PALD1: variants seen among roughly 807,000 people sequenced by gnomAD.
The protein encoded by PALD1 is paladin.
In PALD1, 57 loss-of-function variants were observed where a neutral mutation model predicts 96.0. The observed-to-expected ratio is 0.59, with a 90% confidence interval of 0.48 to 0.74. PALD1 has a LOEUF of 0.74. Ranked by LOEUF, PALD1 falls within the 30% of genes least tolerant of loss-of-function variation. PALD1 has a pLI of 0.00. For synonymous variants in PALD1, 464 were observed against 473.6 expected (o/e 0.98, Z 0.26); for missense variants, 1,063 against 1,143.7 (o/e 0.93, Z 1.02).
the PALD1 span, among the ~76,000 whole-genome samples, chr10:70,463,424 G>A: frequency 1.3e-5 from 2 of 151,978 alleles, no homozygotes; most frequent in African/African-American, 4.8e-5. Flanking sequence ...GGTAAAGCAG[G>A]TAGAATTATG....
Position 70,553,040 on chromosome 10 carries a change from T to C in PALD1, c.2262+5594T>C, listed in dbSNP as rs59137902. ...AAGGCTTCATAAGATTCCGGCTCAG[T>C]GTGGCCGGAATGGTTACTGGGGGTG... On this transcript the variant is annotated intron_variant, in intron 18 of 19. Transcript: ENST00000263563. 5.3e-5 allele frequency among the ~76,000 whole-genome samples: 8 copies of C among 152,236 alleles called. No homozygotes were observed. The East Asian group carries it at 1.4e-3, about 26-fold the overall frequency.
At chr10:70,462,058 G>A in the PALD1 span, among the ~76,000 whole-genome samples, 1 of 152,194 alleles carries the variant, frequency 6.6e-6, no homozygotes, top group Non-Finnish European at 1.5e-5. Context: ...TTCCCATAGT[G>A]CTGGGACTGC....
chr10:70,473,651 A>AT, the PALD1 span, among the ~76,000 whole-genome samples: 9,682 of 149,248 alleles, frequency 0.065, 392 homozygotes, highest in South Asian at 0.21. Context: ...TTACAGACTA[A>AT]TTTTTTTTTT....
intron 1 of PALD1, among the ~76,000 whole-genome samples, chr10:70,513,244 CA>C (rs1201016529): frequency 1.3e-5 from 2 of 152,222 alleles, no homozygotes; most frequent in Non-Finnish European, 2.9e-5. Flanking sequence ...CCTGTAATCT[CA>C]CCACTTTGGG....
At chr10:70,502,299 C>T (rs1446201380) in intron 1 of PALD1, among the ~76,000 whole-genome samples, 2 of 152,204 alleles carry the variant, frequency 1.3e-5, no homozygotes. Flanking sequence ...CGCTCCATGT[C>T]CTGTTAAGGA....
intron 1 of PALD1, among the ~76,000 whole-genome samples, chr10:70,519,601 G>C (rs1846689370): frequency 6.9e-6 from 1 of 145,590 alleles, no homozygotes; most frequent in African/African-American, 2.6e-5. Flanking sequence ...GTGAGACGAA[G>C]TCTGGCTCTG....
At chr10:70,525,786 A>G in intron 1 of PALD1, 137 bp from the exon 2 acceptor site, 1 of 672,630 alleles carries the variant, frequency 1.5e-6, no homozygotes, top group Non-Finnish European at 2.6e-6. Flanking sequence ...CCCACGGTGT[A>G]GGAGGCAAGC....
At chr10:70,527,446 C>G (rs1457615336) in intron 2 of PALD1, among the ~76,000 whole-genome samples, 1 of 152,178 alleles carries the variant, frequency 6.6e-6, no homozygotes, top group Non-Finnish European at 1.5e-5. Context: ...CCCAATGTGG[C>G]CTGTTTTCTT....
chr10:70,532,863 A>G, intron 6 of PALD1, 82 bp downstream of exon 6: 1 of 1,552,456 alleles, frequency 6.4e-7, no homozygotes, highest in Non-Finnish European at 8.8e-7. Context: ...CACCATCTGC[A>G]GGTTGGGCGG....
intron 2 of PALD1, among the ~76,000 whole-genome samples, chr10:70,528,251 T>A (rs184209824): frequency 1.9e-4 from 29 of 152,354 alleles, no homozygotes; most frequent in African/African-American, 6.0e-4. Context: ...TGTTGTGTCT[T>A]GAGGGCACAG....
At chr10:70,565,236 C>T (rs1847819754) in intron 19 of PALD1, among the ~76,000 whole-genome samples, 2 of 152,184 alleles carry the variant, frequency 1.3e-5, no homozygotes, top group African/African-American at 4.8e-5. Context: ...CTCCAGAGCC[C>T]ACTGTATCCT....
At chr10:70,517,593 C>T (rs572662847) in intron 1 of PALD1, among the ~76,000 whole-genome samples, 1 of 152,120 alleles carries the variant, frequency 6.6e-6, no homozygotes, top group Non-Finnish European at 1.5e-5. Flanking sequence ...CCGCTCACCT[C>T]GGCTTTCCAA....
At position 70,547,413 on chromosome 10, in the gene PALD1, C is replaced by T. The variant is rs1434910302; in HGVS notation, c.2229C>T (p.His743=). 6.2e-7 allele frequency: 1 copy of T among 1,612,504 alleles called. No homozygotes were observed. Among genetic ancestry groups the T allele is most frequent in the Non-Finnish European group, 8.5e-7 (1 of 1,179,450 alleles). ...AGACCATGACGCCCATGCACTACCA[C>T]CTGCGGGAGATCATCATCTGCACCT... ...VSETMTPMHY[H]LREIIICTYR... is the part of the protein sequence containing the mutation. Residue 743 remains histidine, a synonymous_variant, in exon 18 of 20, where the codon CAC becomes CAT. Transcript: ENST00000263563.
chr10:70,529,763 G>A (rs749276470), intron 3 of PALD1, 126 bp from the exon 4 acceptor site: 21 of 723,544 alleles, frequency 2.9e-5, no homozygotes, highest in Middle Eastern at 3.4e-4. Flanking sequence ...CAACTTGAGG[G>A]CAGGATCATG....
chr10:70,549,862 T>A (rs1847445170), intron 18 of PALD1, among the ~76,000 whole-genome samples: 1 of 152,148 alleles, frequency 6.6e-6, no homozygotes, highest in Non-Finnish European at 1.5e-5. Context: ...TGTGAAGTGT[T>A]TTTTAATGAG....
At chr10:70,467,216 C>G in the PALD1 span, among the ~76,000 whole-genome samples, 219 of 152,066 alleles carry the variant, frequency 1.4e-3, 1 homozygote, top group African/African-American at 4.9e-3. Flanking sequence ...GGGAAAGAGG[C>G]CCCCTGGGGA....
At chr10:70,534,565 A>AGGGGAC (rs745471823) in intron 9 of PALD1, 41 bp downstream of exon 9, 3 of 1,443,190 alleles carry the variant, frequency 2.1e-6, no homozygotes, top group Non-Finnish European at 1.9e-6. Flanking sequence ...GGGGTGGTGG[A>AGGGGAC]GGGGACGGTC....
chr10:70,531,358 C>G lies in PALD1; in HGVS notation c.537C>G (p.Ser179=). 1 of 1,613,972 alleles carries G rather than the reference C, an allele frequency of 6.2e-7. No individual in the cohort carries two copies. Among genetic ancestry groups the G allele is most frequent in the Non-Finnish European group, 8.5e-7 (1 of 1,179,868 alleles). Residue 179 remains serine (S), a synonymous_variant, in exon 5 of 20, where the codon TCC becomes TCG. Coordinates refer to ENST00000263563, the MANE Select transcript of PALD1 (RefSeq NM_014431.3). Reference sequence around the variant, plus strand: ...TGCGTGCAGATGAGGACTTTGTGTCCTACACACCTCGAGACAAGCAGAACC... The same window carrying G: ...TGCGTGCAGATGAGGACTTTGTGTCGTACACACCTCGAGACAAGCAGAACC... The part of the protein sequence containing the change: ...LFLRADEDFV[S]YTPRDKQNLH...
In PALD1 at chr10:70,538,882, C is replaced by G; in HGVS notation, c.1453-10C>G. ...TGCTGTGGGTCCCAGGCTTGGTGCT[C>G]TCCCCACAGCGGGAGGACGATCTGG... On this transcript the variant is annotated splice_polypyrimidine_tract_variant and intron_variant, in intron 12 of 19. Transcript: ENST00000263563. The G allele has an allele frequency of 1.2e-6, 2 of 1,609,076 alleles. No homozygotes were observed. The highest frequency in any genetic ancestry group is 1.7e-6 in the Non-Finnish European group (2 of 1,176,160).
Sources: allele counts gnomAD v4.1 joint callset (sites outside exome capture counted in the v4.1 genomes callset), GRCh38; gene constraint gnomAD v4.1.1; transcripts MANE v1.5; gene names NCBI Gene and HGNC (gene_info 2026-07-23, HGNC 2026-07-21).